ZMIZ1: variants seen among roughly 807,000 people sequenced by gnomAD.
The protein encoded by ZMIZ1 is zinc finger MIZ domain-containing protein 1.
A neutral mutation model predicts 113.9 loss-of-function variants in ZMIZ1; 17 were observed. That is an observed-to-expected ratio of 0.15 (90% CI 0.10 to 0.22). The LOEUF (loss-of-function observed/expected upper bound fraction) is 0.22. Among genes scored for constraint, ZMIZ1 ranks in the 10% least tolerant of loss-of-function variants. The probability of loss-of-function intolerance (pLI) is 1.00; values close to 1 mark genes in which losing one functional copy is unlikely to be tolerated. For synonymous variants in ZMIZ1, 607 were observed against 603.1 expected, an observed-to-expected ratio of 1.01 and a Z score of -0.09; for missense variants, 1,059 against 1,477.8, an observed-to-expected ratio of 0.72 and a Z score of 4.65.
At chr10:79,199,370 A>G (rs993925967) in intron 4 of ZMIZ1, among the ~76,000 whole-genome samples, 4 of 151,698 alleles carry the variant, frequency 2.6e-5, no homozygotes, top group Non-Finnish European at 4.4e-5. Context: ...AGCCAGGCAT[A>G]GTGGCAGCAC....
intron 7 of ZMIZ1, among the ~76,000 whole-genome samples, chr10:79,230,567 G>T (rs1204179524): frequency 1.3e-5 from 2 of 152,232 alleles, no homozygotes; most frequent in African/African-American, 4.8e-5. Context: ...GAGTCGAGGG[G>T]CCCGCCTGTG....
At chr10:79,243,663 T>TCGCCGCGGC in intron 7 of ZMIZ1, 1 of 299,206 alleles carries the variant, frequency 3.3e-6, no homozygotes, top group Non-Finnish European at 6.6e-6. Context: ...CCGGAGTCGC[T>TCGCCGCGGC]CGCCGCGGCC....
At chr10:79,190,050 G>A (rs1188443038) in intron 4 of ZMIZ1, among the ~76,000 whole-genome samples, 5 of 152,308 alleles carry the variant, frequency 3.3e-5, no homozygotes, top group South Asian at 2.1e-4. Context: ...TCCCACCCCC[G>A]GATCTAGGGA....
At chr10:79,074,212 C>CTGAA (rs1842394751) in intron 1 of ZMIZ1, among the ~76,000 whole-genome samples, 1 of 152,218 alleles carries the variant, frequency 6.6e-6, no homozygotes, top group South Asian at 2.1e-4. Context: ...AAAGTTAGGA[C>CTGAA]TGAACCTCAG....
chr10:79,218,348 G>A (rs527575950), intron 7 of ZMIZ1, among the ~76,000 whole-genome samples: 24 of 152,154 alleles, frequency 1.6e-4, no homozygotes, highest in Non-Finnish European at 2.8e-4. Context: ...GGTGGTGCAC[G>A]CCTGTGGTCC....
At chr10:79,122,393 G>A (rs1424918327) in intron 2 of ZMIZ1, among the ~76,000 whole-genome samples, 2 of 152,126 alleles carry the variant, frequency 1.3e-5, no homozygotes, top group Non-Finnish European at 2.9e-5. Context: ...ACCTTCCAGC[G>A]CTGCCCCTGT....
intron 23 of ZMIZ1, among the ~76,000 whole-genome samples, chr10:79,310,605 G>T (rs1336812614): frequency 1.3e-5 from 2 of 152,050 alleles, no homozygotes; most frequent in Non-Finnish European, 2.9e-5. Context: ...CGTTGTCTGG[G>T]CGGGGAGGTG....
At chr10:79,188,156 T>C (rs1027795460) in intron 4 of ZMIZ1, among the ~76,000 whole-genome samples, 2 of 152,224 alleles carry the variant, frequency 1.3e-5, no homozygotes, top group African/African-American at 4.8e-5. Context: ...TTCAGAATTA[T>C]GAATGGAGAT....
intron 7 of ZMIZ1, among the ~76,000 whole-genome samples, chr10:79,244,100 C>T (rs1025780489): frequency 2.0e-5 from 3 of 152,232 alleles, no homozygotes; most frequent in Non-Finnish European, 1.5e-5. Context: ...AGGATGCCTT[C>T]GGAGGCAGCG....
Position 79,126,172 on chromosome 10 carries a change from G to T in ZMIZ1, c.-227+7148G>T, listed in dbSNP as rs1354351178. ...TCATCCATTTACCCAGAGAGCCCCA[G>T]TGAGGCCGGGATTTGTAGGCCCAAT... On this transcript the variant is annotated intron_variant, in intron 2 of 24. Transcript: ENST00000334512. Among the ~76,000 whole-genome samples the T allele has an allele frequency of 4.6e-5, 7 of 152,234 alleles. 1 individual carries two copies. Among genetic ancestry groups the T allele is most frequent in the Admixed American group, 1.3e-4 (2 of 15,286 alleles).
At chr10:79,160,297 G>A (rs1315004707) in intron 3 of ZMIZ1, among the ~76,000 whole-genome samples, 1 of 152,194 alleles carries the variant, frequency 6.6e-6, no homozygotes, top group Non-Finnish European at 1.5e-5. Context: ...AGGTTAGGAT[G>A]TAGAGCCACT....
At chr10:79,276,748 C>T (rs538572697) in intron 7 of ZMIZ1, among the ~76,000 whole-genome samples, 2 of 152,238 alleles carry the variant, frequency 1.3e-5, no homozygotes, top group Non-Finnish European at 2.9e-5. Context: ...TGCCTCTGAT[C>T]GAAGTGTGAG....
chr10:79,157,764 A>G lies in ZMIZ1; in HGVS notation c.-130-4289A>G, dbSNP rs560042981. 4.6e-4 allele frequency among the ~76,000 whole-genome samples: 70 copies of G among 152,212 alleles called. No individual in the cohort carries two copies. The South Asian group carries it at 9.8e-3, about 21-fold the overall frequency. Reference sequence around the variant, plus strand: ...CGGGGCAGCCAGCCCCATTTGGATAACCATGGGGTAAATATTTGCCTTGCT... The same window carrying G: ...CGGGGCAGCCAGCCCCATTTGGATAGCCATGGGGTAAATATTTGCCTTGCT... On this transcript the variant is annotated intron_variant, in intron 3 of 24. Coordinates refer to ENST00000334512, the MANE Select transcript of ZMIZ1 (RefSeq NM_020338.4).
At chr10:79,285,909 G>A (rs1193027166) in intron 8 of ZMIZ1, among the ~76,000 whole-genome samples, 3 of 152,240 alleles carry the variant, frequency 2.0e-5, no homozygotes, top group Non-Finnish European at 4.4e-5. Flanking sequence ...TTGCCAGCCT[G>A]AGAAGAGGCA....
At chr10:79,182,197 A>C (rs1402996992) in intron 4 of ZMIZ1, among the ~76,000 whole-genome samples, 2 of 152,324 alleles carry the variant, frequency 1.3e-5, no homozygotes, top group Middle Eastern at 3.4e-3. Flanking sequence ...CATGCAATTT[A>C]ATCCGCCCAA....
chr10:79,184,964 A>G (rs1847290174), intron 4 of ZMIZ1, among the ~76,000 whole-genome samples: 2 of 152,210 alleles, frequency 1.3e-5, no homozygotes, highest in Non-Finnish European at 2.9e-5. Flanking sequence ...AAAGTGATGA[A>G]TCTAGGGATG....
At chr10:79,182,402 C>T (rs960837021) in intron 4 of ZMIZ1, among the ~76,000 whole-genome samples, 3 of 152,062 alleles carry the variant, frequency 2.0e-5, no homozygotes, top group African/African-American at 7.2e-5. Flanking sequence ...TGCAGACCCC[C>T]GAGAGGGCCT....
intron 3 of ZMIZ1, among the ~76,000 whole-genome samples, chr10:79,140,278 A>G: frequency 6.6e-6 from 1 of 152,174 alleles, no homozygotes; most frequent in South Asian, 2.1e-4. Context: ...GCAGCATTCA[A>G]AATTCCAAAG....
chr10:79,143,629 G>C (rs1336176413), intron 3 of ZMIZ1, among the ~76,000 whole-genome samples: 2 of 152,162 alleles, frequency 1.3e-5, no homozygotes, highest in African/African-American at 4.8e-5. Flanking sequence ...ATGGGGTGGT[G>C]GGGGGACAGG....
Sources: gnomAD v4.1 joint callset for allele counts (sites outside exome capture counted in the v4.1 genomes callset) on GRCh38, gnomAD v4.1.1 for gene constraint, MANE v1.5 for transcripts, NCBI Gene and HGNC (gene_info 2026-07-23, HGNC 2026-07-21) for gene names.